The following HIBCH variants were observed in gnomAD, a reference collection of about 807,000 sequenced individuals.
HIBCH encodes 3-hydroxyisobutyryl-CoA hydrolase, also known as 3-hydroxyisobutyryl-CoA hydrolase, mitochondrial.
A neutral mutation model predicts 58.2 loss-of-function variants in HIBCH; 50 were observed. The ratio of observed to expected loss-of-function variants is 0.86; its 90% CI spans 0.68 to 1.09. The LOEUF is 1.09. HIBCH is among the 50% of genes least tolerant of loss of function. The pLI, the probability that HIBCH is intolerant of heterozygous loss-of-function variation, is 0.00. For synonymous variants in HIBCH, 151 were observed against 146.9 expected (o/e 1.03, Z -0.20); for missense variants, 450 against 449.7 (o/e 1.00, Z -0.01).
intron 11 of HIBCH, among the ~76,000 whole-genome samples, chr2:190,222,095 G>GT (rs1472989731): frequency 6.6e-6 from 1 of 152,150 alleles, no homozygotes; most frequent in Non-Finnish European, 1.5e-5. Context: ...AGCACTGACT[G>GT]TAACACTCTT....
intron 4 of HIBCH, among the ~76,000 whole-genome samples, chr2:190,291,581 G>A (rs1327025934): frequency 6.6e-6 from 1 of 152,154 alleles, no homozygotes; most frequent in East Asian, 1.9e-4. Context: ...GGCTAGACAG[G>A]TAAATAATAT....
intron 6 of HIBCH, among the ~76,000 whole-genome samples, chr2:190,270,932 G>T (rs958315036): frequency 1.3e-5 from 2 of 151,782 alleles, no homozygotes; most frequent in Non-Finnish European, 2.9e-5. Flanking sequence ...CCCTGCTATT[G>T]GGTATGTATA....
At chr2:190,275,564 T>C (rs1240641161) in intron 6 of HIBCH, among the ~76,000 whole-genome samples, 1 of 152,206 alleles carries the variant, frequency 6.6e-6, no homozygotes, top group Non-Finnish European at 1.5e-5. Context: ...TGAATTACGC[T>C]AAAATTGAAG....
intron 7 of HIBCH, among the ~76,000 whole-genome samples, chr2:190,253,473 T>G (rs952745854): frequency 2.0e-5 from 3 of 152,044 alleles, no homozygotes; most frequent in Admixed American, 1.3e-4. Flanking sequence ...CAAGTTAAAC[T>G]CATAACCTCC....
rs959913562 is a variant in HIBCH, at chr2:190,294,732, ATG to A, written c.220-104_220-103del. 2.2e-5 allele frequency: 17 copies of A among 781,894 alleles called. No homozygotes were observed. The African/African-American group carries it at 2.4e-4, about 11-fold the overall frequency. 48.4% of individuals were successfully genotyped at this position (781,894 alleles called of 1,614,324 possible). A position where few individuals can be genotyped will look rare whatever the true frequency, so the allele number is the denominator to read the frequency against. ...TATTCAATCATATATTCATATACAT[ATG>A]TGTTTGTGACAGTACATATTCTTCT... On this transcript the variant is annotated intron_variant, in intron 3 of 13. Transcript: ENST00000359678.
At chr2:190,311,915 G>C (rs1234287305) in intron 1 of HIBCH, among the ~76,000 whole-genome samples, 1 of 152,158 alleles carries the variant, frequency 6.6e-6, no homozygotes, top group African/African-American at 2.4e-5. Context: ...CTTGACCAAA[G>C]TGACCACTAA....
At position 190,254,677 on chromosome 2, in the gene HIBCH, C is replaced by A. The variant is rs1686874772; in HGVS notation, c.518-2370G>T. ...TCATCAGCCTCATCCATCAAAGTAGCACAAGTTAAATACCTTGGAGTTATT... is the reference window on the plus strand; with the variant it reads ...TCATCAGCCTCATCCATCAAAGTAGAACAAGTTAAATACCTTGGAGTTATT... On this transcript the variant is annotated intron_variant, in intron 7 of 13. Coordinates refer to ENST00000359678, the MANE Select transcript of HIBCH (RefSeq NM_014362.4). This position sits in a 1 kb window ranked among gnomAD's most constrained non-coding sequence, Gnocchi z 5.0. 6.6e-6 allele frequency among the ~76,000 whole-genome samples: 1 copy of A among 152,196 alleles called. No individual in the cohort carries two copies. Among genetic ancestry groups the A allele is most frequent in the Admixed American group, 6.5e-5 (1 of 15,274 alleles).
downstream of HIBCH, chr2:190,203,824 A>C (rs1690320258): frequency 6.6e-6 from 1 of 152,140 alleles, no homozygotes; most frequent in Non-Finnish European, 1.5e-5. Context: ...GCAGGACATG[A>C]TCTTTAATGT....
chr2:190,287,713 T>C, intron 5 of HIBCH, 75 bp from the exon 6 acceptor site: 2 of 1,036,148 alleles, frequency 1.9e-6, no homozygotes, highest in Non-Finnish European at 1.5e-6. Context: ...AAAACCCACA[T>C]TATATATACT....
rs780792918 is a variant in HIBCH at position 190,249,718 on chromosome 2, C to G, written c.672G>C (p.Met224Ile). The change falls in exon 9 of 14, where the codon ATG becomes ATC. Residue 224 changes from methionine (M) to isoleucine (I), a missense_variant. Transcript: ENST00000359678. ...TCAAGGCTAACAAATCTTCCTCTAACATGGCCAACTAAAGGGGAGGCAGAA... is the reference window on the plus strand; with the variant it reads ...TCAAGGCTAACAAATCTTCCTCTAAGATGGCCAACTAAAGGGGAGGCAGAA... ...THFVDSEKLA[M>I]LEEDLLALKS... is the part of the protein sequence containing the mutation. The G allele has an allele frequency of 6.2e-7, 1 of 1,601,284 alleles. No homozygotes were observed. The highest frequency in any genetic ancestry group is 1.1e-5 in the South Asian group (1 of 90,784).
intron 7 of HIBCH, among the ~76,000 whole-genome samples, chr2:190,253,533 G>A (rs1686839812): frequency 6.6e-6 from 1 of 152,056 alleles, no homozygotes; most frequent in South Asian, 2.1e-4. Context: ...TCAATAAAGG[G>A]TGCACGTATA....
intron 1 of HIBCH, 134 bp from the exon 2 acceptor site, chr2:190,310,930 T>A: frequency 1.4e-6 from 1 of 722,826 alleles, no homozygotes; most frequent in South Asian, 1.5e-5. Context: ...AAGGTTTAGC[T>A]CTCATTCACT....
At chr2:190,268,563 C>A (rs1320291216) in intron 6 of HIBCH, among the ~76,000 whole-genome samples, 1 of 152,196 alleles carries the variant, frequency 6.6e-6, no homozygotes, top group East Asian at 1.9e-4. Context: ...AGTTTTCAGA[C>A]TGTTCCAATA....
At position 190,207,392 on chromosome 2, in the gene HIBCH, A is replaced by G. The variant is rs1000383475; in HGVS notation, c.1045+1488T>C. On this transcript the variant is annotated intron_variant, in intron 13 of 13. Coordinates refer to ENST00000359678, the MANE Select transcript of HIBCH (RefSeq NM_014362.4). This position sits in a 1 kb window ranked among gnomAD's most constrained non-coding sequence, Gnocchi z 4.5. Reference sequence around the variant, plus strand: ...CAGAGAATTTGTGAGGAAAATGCCTATGTTACTTAGTTTCTACAAGACACA... The same window carrying G: ...CAGAGAATTTGTGAGGAAAATGCCTGTGTTACTTAGTTTCTACAAGACACA... 2.0e-5 allele frequency among the ~76,000 whole-genome samples: 3 copies of G among 152,174 alleles called. No homozygotes were observed. The highest frequency in any genetic ancestry group is 2.1e-4 in the South Asian group (1 of 4,834).
intron 6 of HIBCH, 34 bp from the exon 7 acceptor site, chr2:190,261,268 G>A: frequency 6.9e-7 from 1 of 1,439,552 alleles, no homozygotes; most frequent in Non-Finnish European, 9.8e-7. Context: ...AGGCGGGGGG[G>A]AATTAAACAT....
At chr2:190,199,579 T>C (rs1457236575), downstream of HIBCH, 3 of 446,708 alleles carry the variant, frequency 6.7e-6, no homozygotes, top group African/African-American at 3.9e-5. Context: ...AAGCTGTTTG[T>C]TTTTACCTCA....
intron 2 of HIBCH, among the ~76,000 whole-genome samples, chr2:190,300,367 T>C (rs1223609088): frequency 6.6e-6 from 1 of 152,134 alleles, no homozygotes; most frequent in African/African-American, 2.4e-5. Flanking sequence ...CTGACTGGTG[T>C]GAGATGGTAT....
At chr2:190,276,530 A>G (rs1687557714) in intron 6 of HIBCH, among the ~76,000 whole-genome samples, 1 of 152,202 alleles carries the variant, frequency 6.6e-6, no homozygotes, top group Non-Finnish European at 1.5e-5. Flanking sequence ...GTACATCCCC[A>G]CAGTAACGAA....
intron 4 of HIBCH, 87 bp from the exon 5 acceptor site, chr2:190,290,572 C>T (rs1687934203): frequency 3.4e-6 from 3 of 874,696 alleles, no homozygotes; most frequent in South Asian, 2.9e-5. Context: ...AAATTAAATA[C>T]TGGGGGAAGG....
Sources: allele counts gnomAD v4.1 joint callset (sites outside exome capture counted in the v4.1 genomes callset), GRCh38; gene constraint gnomAD v4.1.1; non-coding constraint Gnocchi (gnomAD v3.1); transcripts MANE v1.5; gene names NCBI Gene and HGNC (gene_info 2026-07-23, HGNC 2026-07-21).